The following PCDHGB6 variants were observed in gnomAD, a reference collection of about 807,000 sequenced individuals.
The protein encoded by PCDHGB6 is protocadherin gamma subfamily B, 6.
A neutral mutation model predicts 59.1 loss-of-function variants in PCDHGB6; 51 were observed. The observed-to-expected ratio is 0.86, with a 90% confidence interval of 0.69 to 1.09. The LOEUF (loss-of-function observed/expected upper bound fraction) is 1.09. Ranked by LOEUF, PCDHGB6 falls within the 50% of genes least tolerant of loss-of-function variation. PCDHGB6 has a pLI of 0.00. For synonymous variants in PCDHGB6, 466 were observed against 495.1 expected, an observed-to-expected ratio of 0.94 and a Z score of 0.78; for missense variants, 1,148 against 1,205.1, an observed-to-expected ratio of 0.95 and a Z score of 0.70.
rs772637812 is a variant in PCDHGB6 at position 141,408,685 on chromosome 5, TATAAAC to T, written c.490_495del (p.Ile164_Asn165del). On this transcript the variant is annotated inframe_deletion, in exon 1 of 4. Transcript: ENST00000520790. ...CGCTTGACCCTGCCACGGATCCTGA[TATAAAC>T]ATAAACTCAATTAAAGATTATAAGA... 8 of 1,613,994 alleles carry T rather than the reference TATAAAC, an allele frequency of 5.0e-6. No individual in the cohort carries two copies. The Admixed American group carries it at 1.0e-4, about 20-fold the overall frequency.
rs1433429634 is a variant in PCDHGB6 at position 141,486,311 on chromosome 5, G to T, written c.2419-8496G>T. 1.2e-6 allele frequency: 2 copies of T among 1,613,956 alleles called. No homozygotes were observed. Among genetic ancestry groups the T allele is most frequent in the African/African-American group, 2.7e-5 (2 of 74,892 alleles). On this transcript the variant is annotated intron_variant, in intron 1 of 3. Transcript: ENST00000520790. The surrounding 1 kb of genome is among the most constrained non-coding windows in gnomAD (Gnocchi z 5.0). The stretch of plus-strand genomic sequence containing the variant: ...TATCAGTGTGCAGGATCCAGACTCA[G>T]GGTCAAACGGAGATGTGAGCCTCCG...
In PCDHGB6 at chr5:141,510,976, G is replaced by A. The variant is rs752758180; in HGVS notation, c.2596G>A (p.Gly866Arg). The change falls in exon 4 of 4, where the codon GGG (glycine) becomes AGG (arginine). Residue 866 changes from glycine to arginine, a missense_variant. Gly to Arg is a moderately radical substitution (Grantham distance 125, BLOSUM62 -2). This residue lies in a region of PCDHGB6 where 283 missense variants were observed against 318.6 expected (regional missense o/e 0.89). Transcript: ENST00000520790. ...EAADGSSTLG[G>R]GAGTMGLSAR... ...TGCTGATGGGAGCTCCACCCTGGGA[G>A]GGGGTGCCGGCACCATGGGATTGAG... The A allele has an allele frequency of 5.0e-6, 8 of 1,614,046 alleles. No individual in the cohort carries two copies. The highest frequency in any genetic ancestry group is 6.8e-6 in the Non-Finnish European group (8 of 1,180,022).
At chr5:141,414,508 C>T in intron 1 of PCDHGB6, 1 of 1,613,970 alleles carries the variant, frequency 6.2e-7, no homozygotes, top group Non-Finnish European at 8.5e-7. Context: ...CTTTATGCTA[C>T]AAGTGGCAGA....
At position 141,431,639 on chromosome 5, in the gene PCDHGB6, C is replaced by T; in HGVS notation, c.2418+21019C>T. 1 of 1,614,262 alleles carries T rather than the reference C, an allele frequency of 6.2e-7. No homozygotes were observed. The highest frequency in any genetic ancestry group is 8.5e-7 in the Non-Finnish European group (1 of 1,180,046). On this transcript the variant is annotated intron_variant, in intron 1 of 3. Transcript: ENST00000520790. This position sits in a 1 kb window ranked among gnomAD's most constrained non-coding sequence, Gnocchi z 4.8. Reference sequence around the variant, plus strand: ...CGACAAGGCGGCCCAAGTTTTCAAACTAGATTGTAATTCAGGGACAATATC... The same window carrying T: ...CGACAAGGCGGCCCAAGTTTTCAAATTAGATTGTAATTCAGGGACAATATC...
intron 1 of PCDHGB6, among the ~76,000 whole-genome samples, chr5:141,447,450 C>G (rs540357899): frequency 1.3e-5 from 2 of 152,082 alleles, no homozygotes; most frequent in African/African-American, 2.4e-5. Context: ...AATTTTTAAC[C>G]TCAGTTTTTC....
At position 141,489,072 on chromosome 5, in the gene PCDHGB6, A is replaced by AC; in HGVS notation, c.2419-5730dup. The AC allele has an allele frequency of 1.3e-5, 2 of 157,710 alleles. No homozygotes were observed. Among genetic ancestry groups the AC allele is most frequent in the Non-Finnish European group, 1.2e-5 (1 of 83,996 alleles). 9.8% of individuals were successfully genotyped at this position (157,710 alleles called of 1,614,324 possible). A position where few individuals can be genotyped will look rare whatever the true frequency, so the allele number is the denominator to read the frequency against. On this transcript the variant is annotated intron_variant, in intron 1 of 3. Transcript: ENST00000520790. This position sits in a 1 kb window ranked among gnomAD's most constrained non-coding sequence, Gnocchi z 4.5. The stretch of plus-strand genomic sequence containing the variant: ...AATTCAGCTCCCCTCCCCCCTGCCC[A>AC]CCCCCGCCACTCGGTGACTAAGAAC...
Position 141,486,446 on chromosome 5 carries a change from G to T in PCDHGB6, c.2419-8361G>T. ...GGCCAAATCTAGCTATGACATCATGGTCACTGCTTCTGATGCTGGGAACCC... is the reference window on the plus strand; with the variant it reads ...GGCCAAATCTAGCTATGACATCATGTTCACTGCTTCTGATGCTGGGAACCC... On this transcript the variant is annotated intron_variant, in intron 1 of 3. Coordinates refer to ENST00000520790, the MANE Select transcript of PCDHGB6 (RefSeq NM_018926.3). The surrounding 1 kb of genome is among the most constrained non-coding windows in gnomAD (Gnocchi z 5.0). 2 of 1,614,126 alleles carry T rather than the reference G, an allele frequency of 1.2e-6. No individual in the cohort carries two copies. Among genetic ancestry groups the T allele is most frequent in the Non-Finnish European group, 1.7e-6 (2 of 1,180,004 alleles).
At chr5:141,499,356 C>A (rs1472104991) in intron 2 of PCDHGB6, among the ~76,000 whole-genome samples, 1 of 152,062 alleles carries the variant, frequency 6.6e-6, no homozygotes, top group Non-Finnish European at 1.5e-5. Context: ...ATTCAACAAA[C>A]AAATAGCAAC....
intron 1 of PCDHGB6, among the ~76,000 whole-genome samples, chr5:141,434,831 A>T (rs1328843764): frequency 6.6e-6 from 1 of 151,904 alleles, no homozygotes; most frequent in East Asian, 1.9e-4. Flanking sequence ...TACACTTGGC[A>T]TTTATAAAGC....
At chr5:141,413,128 CA>C in intron 1 of PCDHGB6, 1 of 1,534,686 alleles carries the variant, frequency 6.5e-7, no homozygotes, top group Non-Finnish European at 8.8e-7. Flanking sequence ...GGTTGAAACA[CA>C]CAACGTGTCC....
At chr5:141,455,755 T>C (rs1283272521) in intron 1 of PCDHGB6, among the ~76,000 whole-genome samples, 1 of 152,150 alleles carries the variant, frequency 6.6e-6, no homozygotes, top group Non-Finnish European at 1.5e-5. Flanking sequence ...CTGGCCTGGC[T>C]CCTAGAGCCG....
At position 141,478,749 on chromosome 5, in the gene PCDHGB6, G is replaced by A. The variant is rs1306895064; in HGVS notation, c.2419-16058G>A. On this transcript the variant is annotated intron_variant, in intron 1 of 3. Coordinates refer to ENST00000520790, the MANE Select transcript of PCDHGB6 (RefSeq NM_018926.3). ...GAGTGTGGTTTGTGGTCCCATTTCA[G>A]GGGGAAGATACTTGACTCATCTGTG... The A allele has an allele frequency of 3.3e-6, 5 of 1,524,326 alleles. No homozygotes were observed. The South Asian group carries it at 6.4e-5, about 19-fold the overall frequency. The allele number at this position is 1,524,326 out of a possible 1,614,324, so 94.4% of individuals were successfully genotyped here.
In PCDHGB6 at chr5:141,408,283, C is replaced by A; in HGVS notation, c.81C>A (p.Pro27=). The change falls in exon 1 of 4, where the codon CCC becomes CCA. Residue 27 remains proline, a synonymous_variant. Coordinates refer to ENST00000520790, the MANE Select transcript of PCDHGB6 (RefSeq NM_018926.3). The part of the protein sequence containing the change: ...LFPLLLPLFY[P]TLSEPIRYSI... ...CTTTGCTGCTGCCTTTGTTCTACCC[C>A]ACCCTGAGTGAGCCGATCCGCTACT... 6.2e-7 allele frequency: 1 copy of A among 1,612,756 alleles called. No individual in the cohort carries two copies. The highest frequency in any genetic ancestry group is 8.5e-7 in the Non-Finnish European group (1 of 1,179,166).
rs1562063782 is a variant in PCDHGB6, at chr5:141,477,676, A to G, written c.2419-17131A>G. ...TAAATCGTGACAATGGCATAGTGTC[A>G]TCCTTAGTGCCCCTAGACTATGAGG... On this transcript the variant is annotated intron_variant, in intron 1 of 3. Coordinates refer to ENST00000520790, the MANE Select transcript of PCDHGB6 (RefSeq NM_018926.3). This position sits in a 1 kb window ranked among gnomAD's most constrained non-coding sequence, Gnocchi z 4.9. The G allele has an allele frequency of 1.2e-6, 2 of 1,614,194 alleles. No homozygotes were observed. The highest frequency in any genetic ancestry group is 1.7e-6 in the Non-Finnish European group (2 of 1,180,046).
Position 141,491,045 on chromosome 5 carries a change from A to G in PCDHGB6, c.2419-3762A>G, listed in dbSNP as rs1452139285. 2 of 1,613,970 alleles carry G rather than the reference A, an allele frequency of 1.2e-6. No individual in the cohort carries two copies. The highest frequency in any genetic ancestry group is 1.1e-5 in the South Asian group (1 of 91,090). On this transcript the variant is annotated intron_variant, in intron 1 of 3. Coordinates refer to ENST00000520790, the MANE Select transcript of PCDHGB6 (RefSeq NM_018926.3). This position sits in a 1 kb window ranked among gnomAD's most constrained non-coding sequence, Gnocchi z 6.9. ...GCCGTGGATGCTGATGCAGGCCACA[A>G]TGCGTGGCTCTCCTACTCACTGTTG...
intron 1 of PCDHGB6, among the ~76,000 whole-genome samples, chr5:141,435,286 A>G (rs1179151461): frequency 6.6e-6 from 1 of 152,194 alleles, no homozygotes; most frequent in Non-Finnish European, 1.5e-5. Context: ...CAGTATCCCA[A>G]GTCATTTCAT....
In PCDHGB6 at chr5:141,476,857, C is replaced by G. The variant is rs201408987; in HGVS notation, c.2419-17950C>G. The G allele has an allele frequency of 3.1e-6, 5 of 1,613,886 alleles. No individual in the cohort carries two copies. Among genetic ancestry groups the G allele is most frequent in the Non-Finnish European group, 4.2e-6 (5 of 1,180,046 alleles). On this transcript the variant is annotated intron_variant, in intron 1 of 3. Coordinates refer to ENST00000520790, the MANE Select transcript of PCDHGB6 (RefSeq NM_018926.3). This position sits in a 1 kb window ranked among gnomAD's most constrained non-coding sequence, Gnocchi z 7.6. Reference sequence around the variant, plus strand: ...ACAATGCGCCTGTCTTCAACCAGTCCTTGTACCGGGCGCGCGTCCTGGAGG... The same window carrying G: ...ACAATGCGCCTGTCTTCAACCAGTCGTTGTACCGGGCGCGCGTCCTGGAGG...
At chr5:141,438,985 A>G (rs1461265086) in intron 1 of PCDHGB6, among the ~76,000 whole-genome samples, 1 of 151,940 alleles carries the variant, frequency 6.6e-6, no homozygotes, top group Non-Finnish European at 1.5e-5. Context: ...ACTTATCTTA[A>G]AAGGCTAAGG....
At chr5:141,440,841 A>G (rs1361003883) in intron 1 of PCDHGB6, 5 of 152,114 alleles carry the variant, frequency 3.3e-5, no homozygotes, top group Admixed American at 1.3e-4. Flanking sequence ...GTTGAAGCCA[A>G]TGACAACCCT....
Sources: allele counts gnomAD v4.1 joint callset (sites outside exome capture counted in the v4.1 genomes callset), GRCh38; gene constraint gnomAD v4.1.1; regional missense constraint gnomAD v4.1.1; non-coding constraint Gnocchi (gnomAD v3.1); transcripts MANE v1.5; gene names NCBI Gene and HGNC (gene_info 2026-07-23, HGNC 2026-07-21).